Variants in CLSTN2 observed in about 807,000 individuals in gnomAD.
CLSTN2 encodes calsyntenin-2.
CLSTN2 carries 48 observed loss-of-function variants against 101.2 expected under a neutral mutation model. The observed-to-expected ratio is 0.47, with a 90% CI of 0.38 to 0.60. The LOEUF is 0.60. CLSTN2 is among the 20% of genes least tolerant of loss of function. The pLI is 0.00. For missense variants in CLSTN2, 1,160 were observed against 1,238.2 expected, an observed-to-expected ratio of 0.94 and a Z score of 0.95; for synonymous variants, 481 against 463.6, an observed-to-expected ratio of 1.04 and a Z score of -0.48.
chr3:139,985,615 G>GCT (rs1473957010), intron 1 of CLSTN2, among the ~76,000 whole-genome samples: 4 of 152,116 alleles, frequency 2.6e-5, no homozygotes, highest in African/African-American at 9.7e-5. Flanking sequence ...AGAATCCATT[G>GCT]CTCTCATCAG....
intron 2 of CLSTN2, among the ~76,000 whole-genome samples, chr3:140,369,987 T>A (rs2087833189): frequency 6.6e-6 from 1 of 152,214 alleles, no homozygotes; most frequent in African/African-American, 2.4e-5. Context: ...TTCCATTGGG[T>A]TGTGGGTTGG....
rs1281293448 is a variant in CLSTN2 at position 140,398,560 on chromosome 3, C to G, written c.233-5069C>G. On this transcript the variant is annotated intron_variant, in intron 2 of 16. Transcript: ENST00000458420. ...AAGTGTCTTGGGGATGCCAGACTGACAGAGCACACTCAGAACCACTGTCCT... is the reference window on the plus strand; with the variant it reads ...AAGTGTCTTGGGGATGCCAGACTGAGAGAGCACACTCAGAACCACTGTCCT... 3.9e-5 allele frequency among the ~76,000 whole-genome samples: 6 copies of G among 152,186 alleles called. No individual in the cohort carries two copies. In the South Asian group the frequency reaches 8.3e-4, roughly 21 times the overall value.
intron 8 of CLSTN2, among the ~76,000 whole-genome samples, chr3:140,517,410 A>C (rs926540297): frequency 2.6e-5 from 4 of 152,158 alleles, no homozygotes; most frequent in East Asian, 3.8e-4. Flanking sequence ...TTATGTTACC[A>C]GAATTGTTTT....
chr3:140,017,629 A>G (rs2107754190), intron 1 of CLSTN2, among the ~76,000 whole-genome samples: 1 of 152,248 alleles, frequency 6.6e-6, no homozygotes, highest in East Asian at 1.9e-4. Flanking sequence ...ACTGTGTGGG[A>G]TTGAGTTGGG....
chr3:140,100,392 AT>A (rs1336719112), intron 1 of CLSTN2, among the ~76,000 whole-genome samples: 2 of 152,166 alleles, frequency 1.3e-5, no homozygotes, highest in Non-Finnish European at 2.9e-5. Context: ...TACCATCTGC[AT>A]CCCTATGGCA....
At chr3:139,977,956 T>C (rs1241939478) in intron 1 of CLSTN2, among the ~76,000 whole-genome samples, 2 of 152,142 alleles carry the variant, frequency 1.3e-5, no homozygotes, top group East Asian at 3.8e-4. Context: ...CATGATGACA[T>C]GAGACAGAAC....
chr3:140,156,847 T>A (rs1227487444), intron 1 of CLSTN2, among the ~76,000 whole-genome samples: 1 of 152,214 alleles, frequency 6.6e-6, no homozygotes, highest in Non-Finnish European at 1.5e-5. Flanking sequence ...TCTGGCTCCC[T>A]CCTTACTTTC....
chr3:140,258,473 T>C (rs2086622175), intron 2 of CLSTN2, among the ~76,000 whole-genome samples: 1 of 152,256 alleles, frequency 6.6e-6, no homozygotes. Flanking sequence ...TTTTTCATCT[T>C]CTGGCTCTCC....
At chr3:139,990,695 A>G (rs374896084) in intron 1 of CLSTN2, among the ~76,000 whole-genome samples, 1 of 152,246 alleles carries the variant, frequency 6.6e-6, no homozygotes, top group Non-Finnish European at 1.5e-5. Flanking sequence ...GGTAGATGTC[A>G]TGTGACACAG....
Position 140,558,791 on chromosome 3 carries a change from T to G in CLSTN2, c.1975T>G (p.Phe659Val), listed in dbSNP as rs1483884138. 5 of 1,614,052 alleles carry G rather than the reference T, an allele frequency of 3.1e-6. No individual in the cohort carries two copies. The highest frequency in any genetic ancestry group is 2.2e-5 in the East Asian group (1 of 44,868). The change falls in exon 12 of 17, where the codon TTC becomes GTC. Residue 659 changes from phenylalanine to valine, a missense_variant. By Grantham distance (50) the Phe-to-Val change is conservative. Coordinates refer to ENST00000458420, the MANE Select transcript of CLSTN2 (RefSeq NM_022131.3). Reference protein sequence around the residue: ...QFESARGVTLFPDIKIVSTFA... With the variant: ...QFESARGVTLVPDIKIVSTFA... Reference sequence around the variant, plus strand: ...TGAAAGTGCCAGGGGAGTGACCCTCTTCCCTGATATCAAGATTGTGAGCAC... The same window carrying G: ...TGAAAGTGCCAGGGGAGTGACCCTCGTCCCTGATATCAAGATTGTGAGCAC...
At chr3:140,435,986 G>A (rs1175784196) in intron 5 of CLSTN2, among the ~76,000 whole-genome samples, 1 of 151,382 alleles carries the variant, frequency 6.6e-6, no homozygotes, top group African/African-American at 2.4e-5. Flanking sequence ...CTTGTCAGAG[G>A]GGTAGTTGGC....
chr3:140,219,085 G>A (rs1291792201), intron 2 of CLSTN2, among the ~76,000 whole-genome samples: 2 of 152,026 alleles, frequency 1.3e-5, no homozygotes, highest in Non-Finnish European at 2.9e-5. Context: ...CCATTTGGGA[G>A]CATTCCTGCA....
intron 2 of CLSTN2, among the ~76,000 whole-genome samples, chr3:140,248,294 G>T (rs1371723619): frequency 1.3e-5 from 2 of 152,340 alleles, no homozygotes; most frequent in East Asian, 3.9e-4. Context: ...GACCCCATGA[G>T]GAAGTGCCAC....
At chr3:140,562,428 G>C in intron 13 of CLSTN2, 120 bp downstream of exon 13, 1 of 985,432 alleles carries the variant, frequency 1.0e-6, no homozygotes, top group East Asian at 2.6e-5. Context: ...GGACCAGTTG[G>C]AGATCCTTGG....
At chr3:140,289,702 A>C (rs1476190541) in intron 2 of CLSTN2, among the ~76,000 whole-genome samples, 1 of 152,132 alleles carries the variant, frequency 6.6e-6, no homozygotes, top group Non-Finnish European at 1.5e-5. Context: ...ATGCACACAC[A>C]AAAAGATACA....
intron 2 of CLSTN2, among the ~76,000 whole-genome samples, chr3:140,342,756 C>T (rs1431718007): frequency 6.6e-6 from 1 of 152,126 alleles, no homozygotes; most frequent in African/African-American, 2.4e-5. Flanking sequence ...AAGCTGTCTC[C>T]ATGCACAGGC....
At chr3:140,278,717 A>G (rs1452079783) in intron 2 of CLSTN2, among the ~76,000 whole-genome samples, 1 of 152,064 alleles carries the variant, frequency 6.6e-6, no homozygotes, top group Non-Finnish European at 1.5e-5. Context: ...GTTCCCTTAA[A>G]GGTGTTTTGT....
At chr3:140,144,400 G>T (rs762128067) in intron 1 of CLSTN2, among the ~76,000 whole-genome samples, 4 of 152,138 alleles carry the variant, frequency 2.6e-5, no homozygotes, top group Admixed American at 1.3e-4. Flanking sequence ...CTGAGGTCAG[G>T]AGTTCAAGAC....
chr3:140,487,881 C>T (rs543123907), intron 8 of CLSTN2, among the ~76,000 whole-genome samples: 3 of 152,262 alleles, frequency 2.0e-5, no homozygotes, highest in African/African-American at 7.2e-5. Flanking sequence ...AAGACAGAGT[C>T]TTATATCTAT....
Sources: gnomAD v4.1 joint callset for allele counts (sites outside exome capture counted in the v4.1 genomes callset) on GRCh38, gnomAD v4.1.1 for gene constraint, MANE v1.5 for transcripts, NCBI Gene and HGNC (gene_info 2026-07-23, HGNC 2026-07-21) for gene names.